The following ZBTB7C variants were observed in gnomAD, a reference collection of about 807,000 sequenced individuals.
The protein encoded by ZBTB7C is zinc finger and BTB domain containing 7C.
In ZBTB7C, 8 loss-of-function variants were observed where a neutral mutation model predicts 25.7. The ratio of observed to expected loss-of-function variants is 0.31; its 90% CI spans 0.18 to 0.56. The LOEUF is 0.56. Among genes scored for constraint, ZBTB7C ranks in the 20% least tolerant of loss-of-function variants. The pLI is 0.91. For missense variants in ZBTB7C, 824 were observed against 855.2 expected (o/e 0.96, Z 0.46); for synonymous variants, 394 against 369.0 (o/e 1.07, Z -0.78).
intron 2 of ZBTB7C, among the ~76,000 whole-genome samples, chr18:48,314,440 T>C (rs1286148423): frequency 1.3e-5 from 2 of 152,186 alleles, no homozygotes. Context: ...TATCAATGCC[T>C]AGCTGCATTT....
chr18:48,352,297 T>G (rs1466572875), intron 1 of ZBTB7C, among the ~76,000 whole-genome samples: 1 of 152,200 alleles, frequency 6.6e-6, no homozygotes, highest in Non-Finnish European at 1.5e-5. Context: ...ACAGAGTGAC[T>G]ACCTGCCTTG....
In ZBTB7C at chr18:48,217,158, T is replaced by A. The variant is rs1049517787; in HGVS notation, c.-78-31163A>T. On this transcript the variant is annotated intron_variant, in intron 2 of 4. Transcript: ENST00000590800. Reference sequence around the variant, plus strand: ...ACAGCTTGATCTCAGACACCTGGCCTGCAGAGCCATGAGACAATCAATTCC... The same window carrying A: ...ACAGCTTGATCTCAGACACCTGGCCAGCAGAGCCATGAGACAATCAATTCC... Among the ~76,000 whole-genome samples, 3 of 152,184 alleles carry A rather than the reference T, an allele frequency of 2.0e-5. 1 individual carries two copies. The highest frequency in any genetic ancestry group is 4.4e-5 in the Non-Finnish European group (3 of 68,022).
chr18:48,301,821 C>A lies in ZBTB7C; in HGVS notation c.-79+36353G>T, dbSNP rs577058457. 4.2e-3 allele frequency among the ~76,000 whole-genome samples: 643 copies of A among 152,278 alleles called. 3 individuals are homozygous for A. Among genetic ancestry groups the A allele is most frequent in the African/African-American group, 0.014 (595 of 41,538 alleles). The stretch of plus-strand genomic sequence containing the variant: ...TGTCTTGAAGGAACTGGGGATGAAG[C>A]AGCAAGCAGAGGTTCTCACCATAGC... On this transcript the variant is annotated intron_variant, in intron 2 of 4. Coordinates refer to ENST00000590800, the MANE Select transcript of ZBTB7C (RefSeq NM_001318841.2).
chr18:48,032,946 TC>T (rs766711219), intron 4 of ZBTB7C, among the ~76,000 whole-genome samples: 6 of 152,158 alleles, frequency 3.9e-5, no homozygotes, highest in Non-Finnish European at 5.9e-5. Flanking sequence ...TTATTGAACA[TC>T]TGCTATGGGC....
At chr18:48,073,185 T>C (rs1008536638) in intron 3 of ZBTB7C, among the ~76,000 whole-genome samples, 1 of 152,184 alleles carries the variant, frequency 6.6e-6, no homozygotes, top group Admixed American at 6.5e-5. Flanking sequence ...CTTCGCTTTC[T>C]TTCTTGTCCC....
At chr18:48,402,297 T>G (rs556667149) in intron 1 of ZBTB7C, among the ~76,000 whole-genome samples, 6 of 151,936 alleles carry the variant, frequency 3.9e-5, no homozygotes, top group African/African-American at 1.4e-4. Flanking sequence ...TAATGGGGAC[T>G]GATTCTTTCC....
intron 2 of ZBTB7C, among the ~76,000 whole-genome samples, chr18:48,278,943 G>GT (rs748213528): frequency 0.069 from 9,720 of 141,118 alleles, 584 homozygotes; most frequent in African/African-American, 0.16. Flanking sequence ...TTGCTTTCTT[G>GT]TTTTTTTTTT....
intron 3 of ZBTB7C, among the ~76,000 whole-genome samples, chr18:48,091,090 A>T (rs534011239): frequency 8.2e-4 from 121 of 148,144 alleles, no homozygotes; most frequent in African/African-American, 1.1e-3. Context: ...TTTTTTTTTT[A>T]AAAGACAGGG....
intron 1 of ZBTB7C, among the ~76,000 whole-genome samples, chr18:48,363,710 C>T (rs1040634895): frequency 6.6e-6 from 1 of 152,046 alleles, no homozygotes; most frequent in Non-Finnish European, 1.5e-5. Flanking sequence ...GACAGCGTGG[C>T]CATTGGGGGT....
At chr18:48,077,062 C>CAAA (rs10539603) in intron 3 of ZBTB7C, 73 of 401,874 alleles carry the variant, frequency 1.8e-4, no homozygotes, top group South Asian at 2.2e-4. Context: ...TTGTTATATG[C>CAAA]AAAAAAAAAA....
intron 2 of ZBTB7C, among the ~76,000 whole-genome samples, chr18:48,282,298 CTG>C (rs2044880044): frequency 1.8e-5 from 2 of 108,812 alleles, no homozygotes; most frequent in South Asian, 6.4e-4. Context: ...ACATCACACT[CTG>C]GGGCCTGTTG....
At chr18:48,139,103 C>T (rs1287043776) in intron 3 of ZBTB7C, among the ~76,000 whole-genome samples, 1 of 151,892 alleles carries the variant, frequency 6.6e-6, no homozygotes, top group Non-Finnish European at 1.5e-5. Context: ...GACAGGGCTA[C>T]AGGAGGAGTG....
intron 3 of ZBTB7C, among the ~76,000 whole-genome samples, chr18:48,042,785 G>A (rs1377472642): frequency 6.6e-6 from 1 of 152,196 alleles, no homozygotes; most frequent in African/African-American, 2.4e-5. Context: ...GGCAGTCCAT[G>A]CATTCATTCT....
chr18:48,296,985 C>T (rs796295377), intron 2 of ZBTB7C, among the ~76,000 whole-genome samples: 2 of 152,304 alleles, frequency 1.3e-5, no homozygotes, highest in South Asian at 2.1e-4. Context: ...CACCTGTAGT[C>T]CCAGCTGAGA....
chr18:48,039,702 T>A (rs1209132229), intron 4 of ZBTB7C, among the ~76,000 whole-genome samples, 198 bp downstream of exon 4: 1 of 152,194 alleles, frequency 6.6e-6, no homozygotes, highest in Non-Finnish European at 1.5e-5. Context: ...ATATTGTATC[T>A]GAGAAAATAC....
chr18:48,286,233 CGT>C (rs59121430), intron 2 of ZBTB7C, among the ~76,000 whole-genome samples: 11,329 of 145,276 alleles, frequency 0.078, 621 homozygotes, highest in African/African-American at 0.16. Context: ...AAGAGGTGTG[CGT>C]GTGTGTGTGT....
At chr18:48,334,309 G>A (rs1323710993) in intron 2 of ZBTB7C, among the ~76,000 whole-genome samples, 2 of 152,126 alleles carry the variant, frequency 1.3e-5, no homozygotes, top group Non-Finnish European at 2.9e-5. Context: ...GGAGGCAAGG[G>A]GTTAATTCAG....
intron 3 of ZBTB7C, among the ~76,000 whole-genome samples, chr18:48,159,441 G>A (rs1266750957): frequency 6.6e-6 from 1 of 152,168 alleles, no homozygotes; most frequent in Non-Finnish European, 1.5e-5. Flanking sequence ...GGCTTACCAA[G>A]ATGAATGGAG....
At chr18:48,367,202 T>TATATATATATATAAAC (rs1302394192) in intron 1 of ZBTB7C, among the ~76,000 whole-genome samples, 1 of 63,398 alleles carries the variant, frequency 1.6e-5, no homozygotes, top group African/African-American at 6.2e-5. Flanking sequence ...TATATATATA[T>TATATATATATATAAAC]ACACACACAC....
Sources: allele counts gnomAD v4.1 joint callset (sites outside exome capture counted in the v4.1 genomes callset), GRCh38; gene constraint gnomAD v4.1.1; transcripts MANE v1.5; gene names NCBI Gene and HGNC (gene_info 2026-07-23, HGNC 2026-07-21).